Variants in GPR132 observed in about 807,000 individuals in gnomAD.
The protein encoded by GPR132 is probable G protein-coupled receptor 132.
A neutral mutation model predicts 1.9 loss-of-function variants in GPR132; 4 were observed. The observed-to-expected ratio is 2.13, with a 90% CI of 1.05 to 4.87. The LOEUF (loss-of-function observed/expected upper bound fraction) is 4.87, where lower values mean the gene tolerates loss of function less well. Among genes scored for constraint, GPR132 ranks in the 30% most tolerant of loss-of-function variants. GPR132 has a pLI of 0.01. For missense variants in GPR132, 404 were observed against 512.5 expected, an observed-to-expected ratio of 0.79 and a Z score of 2.04; for synonymous variants, 233 against 234.2, an observed-to-expected ratio of 0.99 and a Z score of 0.05.
chr14:105,051,830 G>T lies in GPR132; in HGVS notation c.307C>A (p.Arg103Ser). ...GTLPLWVIYI[R>S]NQHRWTLGLL... Reference sequence around the variant, plus strand: ...CCTAGGGTCCAGCGGTGCTGGTTGCGGATATAGATGACCCAGAGTGGCAGC... The same window carrying T: ...CCTAGGGTCCAGCGGTGCTGGTTGCTGATATAGATGACCCAGAGTGGCAGC... Residue 103 changes from arginine (R) to serine (S), a missense_variant, in exon 4 of 4, where the codon CGC becomes AGC. Transcript: ENST00000329797. This position sits in a 1 kb window ranked among gnomAD's most constrained non-coding sequence, Gnocchi z 8.0. The T allele has an allele frequency of 1.2e-6, 2 of 1,614,120 alleles. No homozygotes were observed. Among genetic ancestry groups the T allele is most frequent in the Non-Finnish European group, 1.7e-6 (2 of 1,180,028 alleles).
rs886339784 is a variant in GPR132 at position 105,056,532 on chromosome 14, G to A, written c.-746-366C>T. Among the ~76,000 whole-genome samples the A allele has an allele frequency of 3.9e-5, 6 of 152,222 alleles. No homozygotes were observed. The highest frequency in any genetic ancestry group is 8.8e-5 in the Non-Finnish European group (6 of 68,040). On this transcript the variant is annotated intron_variant, in intron 2 of 3. Transcript: ENST00000329797. This position sits in a 1 kb window ranked among gnomAD's most constrained non-coding sequence, Gnocchi z 6.0. Reference sequence around the variant, plus strand: ...TCCCTCCCACCTCAGCCTGCACAGAGCCGCTCTGGTCTGTTCCCTCCCCGA... The same window carrying A: ...TCCCTCCCACCTCAGCCTGCACAGAACCGCTCTGGTCTGTTCCCTCCCCGA...
chr14:105,061,617 G>C (rs1272547493), intron 1 of GPR132, among the ~76,000 whole-genome samples: 1 of 152,076 alleles, frequency 6.6e-6, no homozygotes, highest in East Asian at 1.9e-4. Context: ...GCTCTTCCTC[G>C]GGGAGGGTGC....
In GPR132 at chr14:105,055,946, C is replaced by A. The variant is rs1044395706; in HGVS notation, c.-526G>T. ...TCAAGAACATGAGGAGGGCTGTTCA[C>A]GTCCCTGCTTTCCGTTCTCCTGGGT... is the stretch of plus-strand genomic sequence containing the variant. On this transcript the variant is annotated 5_prime_UTR_variant, in exon 3 of 4. Coordinates refer to ENST00000329797, the MANE Select transcript of GPR132 (RefSeq NM_013345.4). This position sits in a 1 kb window ranked among gnomAD's most constrained non-coding sequence, Gnocchi z 4.7. 1 of 158,304 alleles carries A rather than the reference C, an allele frequency of 6.3e-6. No homozygotes were observed. The highest frequency in any genetic ancestry group is 2.4e-5 in the African/African-American group (1 of 41,580). The allele number at this position is 158,304 out of a possible 1,614,324, so 9.8% of individuals were successfully genotyped here.
In GPR132 at chr14:105,051,643, C is replaced by G. The variant is rs777408069; in HGVS notation, c.494G>C (p.Cys165Ser). ...AACGATCCCGACGAGGATGAAGATG[C>G]AGGCGGAGATGAGGATGGCGGTCCT... is the stretch of plus-strand genomic sequence containing the variant. Reference protein sequence around the residue: ...RRRTAILISACIFILVGIVHY... With the variant: ...RRRTAILISASIFILVGIVHY... Residue 165 changes from cysteine to serine, a missense_variant, in exon 4 of 4, where the codon TGC becomes TCC. By Grantham distance (112) the Cys-to-Ser change is moderately radical. Coordinates refer to ENST00000329797, the MANE Select transcript of GPR132 (RefSeq NM_013345.4). This position sits in a 1 kb window ranked among gnomAD's most constrained non-coding sequence, Gnocchi z 8.0. 2.5e-6 allele frequency: 4 copies of G among 1,613,884 alleles called. No homozygotes were observed. Among genetic ancestry groups the G allele is most frequent in the Non-Finnish European group, 1.7e-6 (2 of 1,180,050 alleles).
rs1417279066 is a variant in GPR132 at position 105,056,355 on chromosome 14, C to G, written c.-746-189G>C. Among the ~76,000 whole-genome samples, 1 of 152,154 alleles carries G rather than the reference C, an allele frequency of 6.6e-6. No individual in the cohort carries two copies. The highest frequency in any genetic ancestry group is 1.5e-5 in the Non-Finnish European group (1 of 68,020). ...GCTCTTTTCCCATCAAACGAGTGCC[C>G]CAGCCCCGCTGTGCGAGTCCTGAGC... On this transcript the variant is annotated intron_variant, in intron 2 of 3. Coordinates refer to ENST00000329797, the MANE Select transcript of GPR132 (RefSeq NM_013345.4). The surrounding 1 kb of genome is among the most constrained non-coding windows in gnomAD (Gnocchi z 6.0).
chr14:105,057,264 T>C lies in GPR132; in HGVS notation c.-844A>G. 1 of 887,398 alleles carries C rather than the reference T, an allele frequency of 1.1e-6. No individual in the cohort carries two copies. The highest frequency in any genetic ancestry group is 1.8e-6 in the Non-Finnish European group (1 of 562,748). The allele number at this position is 887,398 out of a possible 1,614,324, so 55.0% of individuals were successfully genotyped here. On this transcript the variant is annotated 5_prime_UTR_variant, in exon 2 of 4. Transcript: ENST00000329797. The stretch of plus-strand genomic sequence containing the variant: ...GTCGGTCCTATCAAGACGTTCACTC[T>C]GAGAGTTTAAAATGACCTGGAAAAA...
Position 105,051,620 on chromosome 14 carries a change from C to T in GPR132, c.517G>A (p.Val173Ile), listed in dbSNP as rs200040782. The stretch of plus-strand genomic sequence containing the variant: ...TCCGTCTGGAACACCGGGTAGTGAA[C>T]GATCCCGACGAGGATGAAGATGCAG... ...SACIFILVGI[V>I]HYPVFQTEDK... is the part of the protein sequence containing the mutation. Residue 173 changes from valine to isoleucine, a missense_variant, in exon 4 of 4, where the codon GTT (valine) becomes ATT (isoleucine). Transcript: ENST00000329797. This position sits in a 1 kb window ranked among gnomAD's most constrained non-coding sequence, Gnocchi z 8.0. 44 of 1,613,888 alleles carry T rather than the reference C, an allele frequency of 2.7e-5. No individual in the cohort carries two copies. Among genetic ancestry groups the T allele is most frequent in the Non-Finnish European group, 3.4e-5 (40 of 1,180,050 alleles).
Position 105,050,581 on chromosome 14 carries a change from C to T in GPR132, c.*413G>A. On this transcript the variant is annotated 3_prime_UTR_variant, in exon 4 of 4. Transcript: ENST00000329797. The surrounding 1 kb of genome is among the most constrained non-coding windows in gnomAD (Gnocchi z 4.0). The stretch of plus-strand genomic sequence containing the variant: ...TTCTGAGGCAGGAGCCCAGAGGGCC[C>T]ACAATGCACCACCGCATCCAGGCAA... 4.7e-6 allele frequency: 1 copy of T among 212,982 alleles called. No individual in the cohort carries two copies. Among genetic ancestry groups the T allele is most frequent in the Non-Finnish European group, 9.6e-6 (1 of 104,288 alleles). The allele number at this position is 212,982 out of a possible 1,614,324, so 13.2% of individuals were successfully genotyped here.
rs562247829 is a variant in GPR132 at position 105,054,400 on chromosome 14, G to C, written c.34+987C>G. 8.1e-6 allele frequency: 8 copies of C among 984,634 alleles called. No homozygotes were observed. The East Asian group carries it at 6.9e-4, about 84-fold the overall frequency. The allele number at this position is 984,634 out of a possible 1,614,324, so 61.0% of individuals were successfully genotyped here. On this transcript the variant is annotated intron_variant, in intron 3 of 3. Coordinates refer to ENST00000329797, the MANE Select transcript of GPR132 (RefSeq NM_013345.4). Reference sequence around the variant, plus strand: ...TCACCCCGAACGGGGTCAGCCCTGCGGCCCCATTGTGTCGCTCTTTTTTTT... The same window carrying C: ...TCACCCCGAACGGGGTCAGCCCTGCCGCCCCATTGTGTCGCTCTTTTTTTT...
rs909308385 is a variant in GPR132 at position 105,065,373 on chromosome 14, A to G, written c.-861+6T>C. On this transcript the variant is annotated splice_donor_region_variant and intron_variant, in intron 1 of 3. Transcript: ENST00000329797. ...ACTCCCCAGCACGCAGAGCCCAGCG[A>G]CTTACCCAGGGCCCCGCCTGCGTGG... 6.6e-6 allele frequency: 1 copy of G among 152,142 alleles called. No homozygotes were observed. The highest frequency in any genetic ancestry group is 2.4e-5 in the African/African-American group (1 of 41,354). 9.4% of individuals were successfully genotyped at this position (152,142 alleles called of 1,614,324 possible).
At chr14:105,052,147 A>C in intron 3 of GPR132, 45 bp from the exon 4 acceptor site, 1 of 1,472,006 alleles carries the variant, frequency 6.8e-7, no homozygotes, top group Non-Finnish European at 9.1e-7. Flanking sequence ...CCTGGAAACC[A>C]CCTGGGAGAG....
In GPR132 at chr14:105,052,167, T is replaced by C. The variant is rs1217206231; in HGVS notation, c.35-65A>G. On this transcript the variant is annotated intron_variant, in intron 3 of 3. Transcript: ENST00000329797. Reference sequence around the variant, plus strand: ...AAACCACCTGGGAGAGACTCTACTGTGGGAAGAAAGGATAGAAGCTTTGTG... The same window carrying C: ...AAACCACCTGGGAGAGACTCTACTGCGGGAAGAAAGGATAGAAGCTTTGTG... 4 of 1,348,796 alleles carry C rather than the reference T, an allele frequency of 3.0e-6. No individual in the cohort carries two copies. In the African/African-American group the frequency reaches 5.8e-5, roughly 20 times the overall value. The allele number at this position is 1,348,796 out of a possible 1,614,324, so 83.6% of individuals were successfully genotyped here. A position where few individuals can be genotyped will look rare whatever the true frequency, so the allele number is the denominator to read the frequency against.
At chr14:105,057,757 C>T (rs899905614) in intron 1 of GPR132, among the ~76,000 whole-genome samples, 13 of 150,036 alleles carry the variant, frequency 8.7e-5, no homozygotes, top group Admixed American at 2.0e-4. Context: ...GGCATGATCT[C>T]GGCTCACTGC....
chr14:105,059,219 G>C lies in GPR132; in HGVS notation c.-860-1939C>G, dbSNP rs982340359. 6.6e-6 allele frequency among the ~76,000 whole-genome samples: 1 copy of C among 152,220 alleles called. No individual in the cohort carries two copies. Among genetic ancestry groups the C allele is most frequent in the Non-Finnish European group, 1.5e-5 (1 of 68,020 alleles). ...CCGAGGCCTGTATGTTGAGAGGCTG[G>C]CCAGGGGCACTCCCTGGAGCCACTT... On this transcript the variant is annotated intron_variant, in intron 1 of 3. Transcript: ENST00000329797. The surrounding 1 kb of genome is among the most constrained non-coding windows in gnomAD (Gnocchi z 4.2).
chr14:105,060,000 G>A lies in GPR132; in HGVS notation c.-860-2720C>T, dbSNP rs1476360660. ...AGTGATGCCCCCTTGGCGGTGGGTGGTGTGGGCCGGAGGGGTTCCTGGGCT... is the reference window on the plus strand; with the variant it reads ...AGTGATGCCCCCTTGGCGGTGGGTGATGTGGGCCGGAGGGGTTCCTGGGCT... On this transcript the variant is annotated intron_variant, in intron 1 of 3. Coordinates refer to ENST00000329797, the MANE Select transcript of GPR132 (RefSeq NM_013345.4). This position sits in a 1 kb window ranked among gnomAD's most constrained non-coding sequence, Gnocchi z 4.2. Among the ~76,000 whole-genome samples, 2 of 152,254 alleles carry A rather than the reference G, an allele frequency of 1.3e-5. No individual in the cohort carries two copies. The highest frequency in any genetic ancestry group is 2.9e-5 in the Non-Finnish European group (2 of 68,044).
rs1566734566 is a variant in GPR132, at chr14:105,055,726, G to T, written c.-306C>A. ...TTCAAAGGCGGGATGGTATTCCATT[G>T]TATTCAGTGTGTCCTCCAGGGTCTC... On this transcript the variant is annotated 5_prime_UTR_variant, in exon 3 of 4. Coordinates refer to ENST00000329797, the MANE Select transcript of GPR132 (RefSeq NM_013345.4). This position sits in a 1 kb window ranked among gnomAD's most constrained non-coding sequence, Gnocchi z 4.7. 2 of 465,972 alleles carry T rather than the reference G, an allele frequency of 4.3e-6. No homozygotes were observed. The highest frequency in any genetic ancestry group is 7.7e-6 in the Non-Finnish European group (2 of 261,058). 28.9% of individuals were successfully genotyped at this position (465,972 alleles called of 1,614,324 possible).
chr14:105,054,904 G>A (rs1886747540), intron 3 of GPR132, among the ~76,000 whole-genome samples: 2 of 151,442 alleles, frequency 1.3e-5, no homozygotes, highest in African/African-American at 4.8e-5. Flanking sequence ...GACAGGCGTG[G>A]TGGCAGGTGC....
Position 105,054,240 on chromosome 14 carries a change from C to A in GPR132, c.34+1147G>T. On this transcript the variant is annotated intron_variant, in intron 3 of 3. Transcript: ENST00000329797. Reference sequence around the variant, plus strand: ...GGGCGGGGCAAACTTCAGCTGTGCCCTGGCGCGAGGTCAGGGGTCCCTGGG... The same window carrying A: ...GGGCGGGGCAAACTTCAGCTGTGCCATGGCGCGAGGTCAGGGGTCCCTGGG... 3 of 1,175,896 alleles carry A rather than the reference C, an allele frequency of 2.6e-6. No individual in the cohort carries two copies. The South Asian group carries it at 4.7e-5, about 18-fold the overall frequency. The allele number at this position is 1,175,896 out of a possible 1,614,324, so 72.8% of individuals were successfully genotyped here.
At chr14:105,053,749 A>C (rs1303810630) in intron 3 of GPR132, among the ~76,000 whole-genome samples, 1 of 151,964 alleles carries the variant, frequency 6.6e-6, no homozygotes, top group Non-Finnish European at 1.5e-5. Context: ...TGGGACATGT[A>C]GATATGGCAG....
Sources: allele counts gnomAD v4.1 joint callset (sites outside exome capture counted in the v4.1 genomes callset), GRCh38; gene constraint gnomAD v4.1.1; non-coding constraint Gnocchi (gnomAD v3.1); transcripts MANE v1.5; gene names NCBI Gene and HGNC (gene_info 2026-07-23, HGNC 2026-07-21).